The following PDSS2 variants were observed in gnomAD, a reference collection of about 807,000 sequenced individuals.
PDSS2 encodes the protein decaprenyl diphosphate synthase subunit 2, also known as all trans-polyprenyl-diphosphate synthase PDSS2.
Under a neutral mutation model 44.5 loss-of-function variants are expected in PDSS2, and 31 were observed. The ratio of observed to expected loss-of-function variants is 0.70; its 90% CI spans 0.52 to 0.94. PDSS2 has a LOEUF of 0.94. Among genes scored for constraint, PDSS2 ranks in the 40% least tolerant of loss-of-function variants. The pLI is 0.00. For synonymous variants in PDSS2, 157 were observed against 180.3 expected, an observed-to-expected ratio of 0.87 and a Z score of 1.03; for missense variants, 452 against 482.2, an observed-to-expected ratio of 0.94 and a Z score of 0.59.
chr6:107,304,393 G>C (rs866504483), intron 2 of PDSS2, among the ~76,000 whole-genome samples: 5 of 152,186 alleles, frequency 3.3e-5, no homozygotes, highest in African/African-American at 1.2e-4. Flanking sequence ...TCTTATATAC[G>C]TAACGCTTTT....
chr6:107,154,730 G>C lies in PDSS2; in HGVS notation c.1089C>G (p.Asp363Glu), dbSNP rs1445917147. 3 of 1,614,114 alleles carry C rather than the reference G, an allele frequency of 1.9e-6. No individual in the cohort carries two copies. In the South Asian group the frequency reaches 3.3e-5, roughly 18 times the overall value. Reference protein sequence around the residue: ...KAGKGVTSAIDLCRYHGNKAL... With the variant: ...KAGKGVTSAIELCRYHGNKAL... ...CCTTGTTTCCATGGTAACGACACAG[G>C]TCAATAGCTGAAGTCACACCTTTGC... Residue 363 changes from aspartate (D) to glutamate (E), a missense_variant, in exon 8 of 8, where the codon GAC (aspartate) becomes GAG (glutamate). Transcript: ENST00000369037.
intron 1 of PDSS2, among the ~76,000 whole-genome samples, chr6:107,457,974 G>GA (rs905496942): frequency 7.2e-5 from 11 of 151,796 alleles, no homozygotes; most frequent in Admixed American, 2.0e-4. Flanking sequence ...AAATGATTCA[G>GA]AAAAAAATAT....
At chr6:107,200,589 G>A (rs1000633291) in intron 6 of PDSS2, among the ~76,000 whole-genome samples, 3 of 152,192 alleles carry the variant, frequency 2.0e-5, no homozygotes, top group South Asian at 4.2e-4. Context: ...CATAAGTCTC[G>A]AGGAGAATGG....
intron 6 of PDSS2, among the ~76,000 whole-genome samples, chr6:107,194,880 G>A (rs1202179073): frequency 6.6e-6 from 1 of 152,112 alleles, no homozygotes; most frequent in Non-Finnish European, 1.5e-5. Context: ...CTTGAACCCA[G>A]GAGGCGGAGA....
At chr6:107,356,476 C>G (rs1186635040) in intron 1 of PDSS2, among the ~76,000 whole-genome samples, 1 of 152,128 alleles carries the variant, frequency 6.6e-6, no homozygotes, top group Non-Finnish European at 1.5e-5. Flanking sequence ...CACCTTCCAC[C>G]TTTTTTCTGT....
In PDSS2 at chr6:107,348,037, T is replaced by C. The variant is rs533714208; in HGVS notation, c.297-13705A>G. ...CTGAAAATGATAGCCTTTATTTCAC[T>C]AAAAAAGTAATAGGAGATAAGTCAT... On this transcript the variant is annotated intron_variant, in intron 1 of 7. Transcript: ENST00000369037. Among the ~76,000 whole-genome samples the C allele has an allele frequency of 8.5e-5, 13 of 152,148 alleles. No homozygotes were observed. The East Asian group carries it at 2.3e-3, about 27-fold the overall frequency.
intron 1 of PDSS2, among the ~76,000 whole-genome samples, chr6:107,392,320 A>G (rs1333690672): frequency 1.3e-5 from 2 of 152,222 alleles, no homozygotes; most frequent in Non-Finnish European, 1.5e-5. Context: ...GCCTATTTTG[A>G]GTTAACCCAT....
chr6:107,274,008 C>A, intron 3 of PDSS2, 21 bp downstream of exon 3: 3 of 1,609,564 alleles, frequency 1.9e-6, no homozygotes, highest in Non-Finnish European at 2.6e-6. Context: ...TCAGGTACAA[C>A]AAAACCCTGC....
At chr6:107,193,764 A>C in intron 7 of PDSS2, 58 bp downstream of exon 7, 1 of 1,040,186 alleles carries the variant, frequency 9.6e-7, no homozygotes, top group Non-Finnish European at 1.5e-6. Flanking sequence ...ATATAAACGA[A>C]AGCCAAACAC....
intron 1 of PDSS2, among the ~76,000 whole-genome samples, chr6:107,425,670 C>A (rs549651342): frequency 6.6e-6 from 1 of 152,258 alleles, no homozygotes; most frequent in Non-Finnish European, 1.5e-5. Context: ...CCTGACAATG[C>A]AATTGAAAAG....
intron 4 of PDSS2, among the ~76,000 whole-genome samples, chr6:107,217,177 T>C (rs1478742370): frequency 1.3e-5 from 2 of 152,210 alleles, no homozygotes; most frequent in Non-Finnish European, 2.9e-5. Context: ...CGAATCTCCC[T>C]GAGGTAGGCT....
At chr6:107,193,907 T>C in intron 6 of PDSS2, 53 bp from the exon 7 acceptor site, 1 of 1,176,716 alleles carries the variant, frequency 8.5e-7, no homozygotes, top group Non-Finnish European at 1.3e-6. Flanking sequence ...AGTTTAGTGC[T>C]TCTATAATTT....
At chr6:107,248,242 G>A (rs1321490448) in intron 3 of PDSS2, among the ~76,000 whole-genome samples, 2 of 151,930 alleles carry the variant, frequency 1.3e-5, no homozygotes, top group Non-Finnish European at 2.9e-5. Flanking sequence ...TCAGATTCTT[G>A]AGGAGTGACA....
At chr6:107,292,337 A>C (rs1161220069) in intron 2 of PDSS2, among the ~76,000 whole-genome samples, 1 of 152,204 alleles carries the variant, frequency 6.6e-6, no homozygotes, top group East Asian at 1.9e-4. Flanking sequence ...CTTAACACAA[A>C]GACTTGCATT....
rs139075620 is a variant in PDSS2 at position 107,250,878 on chromosome 6, C to T, written c.631-5259G>A. Among the ~76,000 whole-genome samples the T allele has an allele frequency of 8.4e-3, 1,271 of 151,218 alleles. 15 individuals carry two copies. Among genetic ancestry groups the T allele is most frequent in the South Asian group, 0.035 (169 of 4,786 alleles). ...AAGTAAATTTTTTTTTTTTTGGAGA[C>T]GGAGTCTCGCTCTGTTACCCAGGCT... On this transcript the variant is annotated intron_variant, in intron 3 of 7. Coordinates refer to ENST00000369037, the MANE Select transcript of PDSS2 (RefSeq NM_020381.4).
intron 1 of PDSS2, among the ~76,000 whole-genome samples, chr6:107,406,544 T>G (rs185300742): frequency 1.6e-4 from 24 of 152,326 alleles, no homozygotes; most frequent in African/African-American, 5.1e-4. Flanking sequence ...ACCACCAATC[T>G]GATGATAAAA....
intron 1 of PDSS2, among the ~76,000 whole-genome samples, chr6:107,363,626 C>T (rs866678879): frequency 2.0e-5 from 3 of 152,130 alleles, no homozygotes; most frequent in Admixed American, 6.5e-5. Flanking sequence ...TTGCAAAGAG[C>T]GAAAGAACAA....
At chr6:107,395,093 T>A (rs1390381212) in intron 1 of PDSS2, among the ~76,000 whole-genome samples, 1 of 152,110 alleles carries the variant, frequency 6.6e-6, no homozygotes, top group African/African-American at 2.4e-5. Context: ...TTGTTTTTCC[T>A]CTCAACACTT....
chr6:107,327,545 C>T (rs539093182), intron 2 of PDSS2, among the ~76,000 whole-genome samples: 1 of 152,350 alleles, frequency 6.6e-6, no homozygotes, highest in Admixed American at 6.5e-5. Flanking sequence ...GCAACCTCCA[C>T]CTCCCAGGTT....
Sources: gnomAD v4.1 joint callset for allele counts (sites outside exome capture counted in the v4.1 genomes callset) on GRCh38, gnomAD v4.1.1 for gene constraint, MANE v1.5 for transcripts, NCBI Gene and HGNC (gene_info 2026-07-23, HGNC 2026-07-21) for gene names.